SLC9D1: variants seen among roughly 807,000 people sequenced by gnomAD.
The protein encoded by SLC9D1 is putative LAG1-interacting protein.
At chr13:113,510,173 T>C in the SLC9D1 span, 1 of 1,425,256 alleles carries the variant, frequency 7.0e-7, no homozygotes. Context: ...ATGCGTGAAG[T>C]CTGTGTGGTG....
the SLC9D1 span, among the ~76,000 whole-genome samples, chr13:113,549,127 C>A: frequency 2.0e-5 from 3 of 152,316 alleles, no homozygotes; most frequent in Admixed American, 2.0e-4. Flanking sequence ...AAATCACAGT[C>A]TCTCCTACAT....
the SLC9D1 span, chr13:113,545,661 A>G: frequency 6.6e-6 from 1 of 150,852 alleles, no homozygotes; most frequent in African/African-American, 2.5e-5. Flanking sequence ...AGGAGCTTGC[A>G]CTGAGCTCAG....
At chr13:113,512,932 G>A in the SLC9D1 span, among the ~76,000 whole-genome samples, 1 of 151,976 alleles carries the variant, frequency 6.6e-6, no homozygotes, top group Non-Finnish European at 1.5e-5. Flanking sequence ...TAGATGGAGA[G>A]GGTCAGTATA....
At chr13:113,537,048 C>T in the SLC9D1 span, among the ~76,000 whole-genome samples, 1 of 152,206 alleles carries the variant, frequency 6.6e-6, no homozygotes, top group South Asian at 2.1e-4. Context: ...AAGCCCTTTC[C>T]AAAGCTCAGT....
At chr13:113,530,641 T>C in the SLC9D1 span, 1 of 152,212 alleles carries the variant, frequency 6.6e-6, no homozygotes, top group Admixed American at 6.5e-5. Flanking sequence ...TGCTTTCTTA[T>C]TAAGCTTTAT....
At chr13:113,519,980 A>G in the SLC9D1 span, among the ~76,000 whole-genome samples, 1 of 152,360 alleles carries the variant, frequency 6.6e-6, no homozygotes. Context: ...AGGCTTCTCC[A>G]TGTGTTTCTG....
the SLC9D1 span, among the ~76,000 whole-genome samples, chr13:113,494,977 G>A: frequency 6.6e-6 from 1 of 152,094 alleles, no homozygotes; most frequent in East Asian, 1.9e-4. Flanking sequence ...TCCGCCTCCC[G>A]GGTTCTAGCG....
At chr13:113,519,788 G>A in the SLC9D1 span, among the ~76,000 whole-genome samples, 1 of 152,278 alleles carries the variant, frequency 6.6e-6, no homozygotes, top group South Asian at 2.1e-4. Flanking sequence ...GGCTCATTCC[G>A]TGTGGTGGCT....
At chr13:113,527,380 C>CT in the SLC9D1 span, 8 of 152,194 alleles carry the variant, frequency 5.3e-5, no homozygotes, top group Non-Finnish European at 7.3e-5. Context: ...CACAAATTCT[C>CT]TAAGTTTTTC....
At chr13:113,533,802 A>G in the SLC9D1 span, among the ~76,000 whole-genome samples, 1 of 152,226 alleles carries the variant, frequency 6.6e-6, no homozygotes, top group Admixed American at 6.5e-5. Context: ...TTCACATTCT[A>G]GAATACGCAT....
chr13:113,519,229 A>G, the SLC9D1 span, among the ~76,000 whole-genome samples: 158 of 151,790 alleles, frequency 1.0e-3, no homozygotes, highest in African/African-American at 3.5e-3. Flanking sequence ...ATTTTTTAGA[A>G]CAGATGGGGT....
At chr13:113,491,504 C>T in the SLC9D1 span, among the ~76,000 whole-genome samples, 1 of 151,262 alleles carries the variant, frequency 6.6e-6, no homozygotes, top group South Asian at 2.1e-4. Context: ...TTCCCTCCCT[C>T]CCTGGGGCTC....
the SLC9D1 span, chr13:113,514,424 A>G: frequency 6.6e-6 from 1 of 152,240 alleles, no homozygotes; most frequent in African/African-American, 2.4e-5. Context: ...AATGATGAAC[A>G]AAAAGGAAGA....
At chr13:113,510,486 A>T in the SLC9D1 span, 1 of 1,526,244 alleles carries the variant, frequency 6.6e-7, no homozygotes, top group South Asian at 1.2e-5. Context: ...TGACTTTTGG[A>T]TTCACAGTTG....
the SLC9D1 span, among the ~76,000 whole-genome samples, chr13:113,500,987 G>T: frequency 3.3e-5 from 5 of 152,172 alleles, no homozygotes; most frequent in South Asian, 1.0e-3. Context: ...TCCAGGGAGA[G>T]ATTTTGAGAC....
the SLC9D1 span, among the ~76,000 whole-genome samples, chr13:113,509,904 C>T: frequency 1.3e-5 from 2 of 152,138 alleles, no homozygotes; most frequent in South Asian, 2.1e-4. Flanking sequence ...TGACCTTGGG[C>T]GAGTCACTTA....
the SLC9D1 span, among the ~76,000 whole-genome samples, chr13:113,531,458 C>T: frequency 2.0e-5 from 3 of 152,064 alleles, no homozygotes; most frequent in Non-Finnish European, 4.4e-5. Context: ...GCAGGTGGCA[C>T]GGCGCCCTGT....
the SLC9D1 span, among the ~76,000 whole-genome samples, chr13:113,548,641 A>C: frequency 6.6e-6 from 1 of 152,260 alleles, no homozygotes; most frequent in Non-Finnish European, 1.5e-5. Flanking sequence ...GGAAAGTTGC[A>C]GTTAGTACTG....
the SLC9D1 span, among the ~76,000 whole-genome samples, chr13:113,521,512 C>T: frequency 3.3e-5 from 5 of 151,854 alleles, no homozygotes; most frequent in East Asian, 1.9e-4. Flanking sequence ...CATGTGTCTG[C>T]GTGCATGTGT....
Sources: allele counts gnomAD v4.1 joint callset (sites outside exome capture counted in the v4.1 genomes callset), GRCh38; gene constraint gnomAD v4.1.1; transcripts MANE v1.5; gene names NCBI Gene and HGNC (gene_info 2026-07-23, HGNC 2026-07-21).